CACNA1C: variants seen among roughly 807,000 people sequenced by gnomAD.
The protein encoded by CACNA1C is voltage-dependent L-type calcium channel subunit alpha-1C.
In CACNA1C, 30 loss-of-function variants were observed where a neutral mutation model predicts 229.0. The ratio of observed to expected loss-of-function variants is 0.13; its 90% CI spans 0.10 to 0.18. The LOEUF (loss-of-function observed/expected upper bound fraction) is 0.18, where lower values mean the gene tolerates loss of function less well. Ranked by LOEUF, CACNA1C falls within the 10% of genes least tolerant of loss-of-function variation. CACNA1C has a pLI of 1.00. For missense variants in CACNA1C, 1,658 were observed against 2,845.0 expected (o/e 0.58, Z 9.49); for synonymous variants, 1,114 against 1,132.5 (o/e 0.98, Z 0.33).
intron 3 of CACNA1C, among the ~76,000 whole-genome samples, chr12:2,147,360 T>C (rs2094818956): frequency 6.6e-6 from 1 of 151,430 alleles, no homozygotes; most frequent in African/African-American, 2.4e-5. Context: ...TCCAGTGTGC[T>C]TCTGTATGAT....
Position 2,602,056 on chromosome 12 carries a change from C to T in CACNA1C, c.2960+96C>T, listed in dbSNP as rs1008909066. On this transcript the variant is annotated intron_variant, in intron 22 of 46. Transcript: ENST00000399655. This position sits in a 1 kb window ranked among gnomAD's most constrained non-coding sequence, Gnocchi z 4.4. ...CCTGGAGGGCCTGCCTGCAGGGCCACCGCAGTGTGATGAGAGTGGGGTGGG... is the reference window on the plus strand; with the variant it reads ...CCTGGAGGGCCTGCCTGCAGGGCCATCGCAGTGTGATGAGAGTGGGGTGGG... 2 of 796,522 alleles carry T rather than the reference C, an allele frequency of 2.5e-6. No individual in the cohort carries two copies. The highest frequency in any genetic ancestry group is 4.4e-6 in the Non-Finnish European group (2 of 455,450). 49.3% of individuals were successfully genotyped at this position (796,522 alleles called of 1,614,324 possible).
intron 13 of CACNA1C, among the ~76,000 whole-genome samples, chr12:2,572,581 TCC>T (rs1294518733): frequency 3.2e-4 from 6 of 18,830 alleles, no homozygotes; most frequent in Admixed American, 5.9e-4. Context: ...CCTTCTCCTC[TCC>T]TCCTCCTTCT....
intron 21 of CACNA1C, among the ~76,000 whole-genome samples, chr12:2,600,928 T>TA (rs949120145): frequency 7.2e-5 from 11 of 152,300 alleles, no homozygotes; most frequent in African/African-American, 2.2e-4. Flanking sequence ...ACTTGATGCT[T>TA]ACAACCCTGT....
chr12:2,614,984 A>C (rs2079727988), intron 29 of CACNA1C: 1 of 152,202 alleles, frequency 6.6e-6, no homozygotes, highest in African/African-American at 2.4e-5. Flanking sequence ...AAAAAAAAAA[A>C]AAATCACACA....
chr12:2,020,155 G>A (rs2046186372), intron 1 of CACNA1C: 1 of 152,142 alleles, frequency 6.6e-6, no homozygotes, highest in African/African-American at 2.4e-5. Context: ...AATGCTCTTT[G>A]GTGGACAGCA....
At chr12:2,230,798 C>A (rs1309037811) in intron 3 of CACNA1C, among the ~76,000 whole-genome samples, 1 of 152,182 alleles carries the variant, frequency 6.6e-6, no homozygotes, top group Non-Finnish European at 1.5e-5. Context: ...TGCACAAGGT[C>A]CTGTTCTGAG....
intron 5 of CACNA1C, among the ~76,000 whole-genome samples, chr12:2,480,694 C>G (rs2099672419): frequency 6.6e-6 from 1 of 152,212 alleles, no homozygotes; most frequent in South Asian, 2.1e-4. Flanking sequence ...CCCCCTAAAC[C>G]CAAACTTCTC....
chr12:2,302,310 G>A (rs934117959), intron 3 of CACNA1C, among the ~76,000 whole-genome samples: 13 of 151,830 alleles, frequency 8.6e-5, no homozygotes, highest in African/African-American at 3.1e-4. Flanking sequence ...AGGAACATAA[G>A]GTCATGCCAT....
At chr12:2,443,889 A>G (rs572080662) in intron 3 of CACNA1C, among the ~76,000 whole-genome samples, 1 of 152,270 alleles carries the variant, frequency 6.6e-6, no homozygotes, top group South Asian at 2.1e-4. Context: ...TTTTTAAAGT[A>G]ATTCTAGAAG....
At chr12:2,389,179 G>T (rs1200440216) in intron 3 of CACNA1C, among the ~76,000 whole-genome samples, 3 of 152,140 alleles carry the variant, frequency 2.0e-5, no homozygotes, top group Non-Finnish European at 4.4e-5. Flanking sequence ...AATAGAGGTG[G>T]TGAACAGAGT....
At chr12:2,406,114 G>A (rs2098734639) in intron 3 of CACNA1C, among the ~76,000 whole-genome samples, 1 of 152,164 alleles carries the variant, frequency 6.6e-6, no homozygotes, top group Non-Finnish European at 1.5e-5. Context: ...TTTCTGATGA[G>A]AAATATGCTG....
At chr12:2,113,416 T>A (rs2082537612) in intron 1 of CACNA1C, among the ~76,000 whole-genome samples, 1 of 152,008 alleles carries the variant, frequency 6.6e-6, no homozygotes, top group Admixed American at 6.6e-5. Context: ...GGGAGGTGGC[T>A]GGGAGAGGCG....
intron 3 of CACNA1C, among the ~76,000 whole-genome samples, chr12:2,192,627 A>G (rs950717522): frequency 6.6e-6 from 1 of 152,232 alleles, no homozygotes; most frequent in African/African-American, 2.4e-5. Context: ...CTTATGTGAA[A>G]TGTGAATGCT....
intron 34 of CACNA1C, among the ~76,000 whole-genome samples, chr12:2,663,872 G>GCTGGGACTACAGGCGCCCACCACC (rs2095910227): frequency 1.3e-5 from 2 of 151,142 alleles, no homozygotes; most frequent in Non-Finnish European, 2.9e-5. Context: ...TTCCCAAGTA[G>GCTGGGACTACAGGCGCCCACCACC]CTGGGACTAC....
intron 29 of CACNA1C, among the ~76,000 whole-genome samples, chr12:2,628,771 G>A (rs765345527): frequency 2.6e-5 from 4 of 152,054 alleles, no homozygotes; most frequent in South Asian, 2.1e-4. Flanking sequence ...TTAGAGGGGC[G>A]TAGTACTTGG....
chr12:2,329,829 C>T (rs577611149), intron 3 of CACNA1C, among the ~76,000 whole-genome samples: 12 of 152,202 alleles, frequency 7.9e-5, no homozygotes, highest in Non-Finnish European at 1.8e-4. Flanking sequence ...AGTGAATAAA[C>T]TCCCCTAGGA....
intron 1 of CACNA1C, among the ~76,000 whole-genome samples, chr12:2,059,866 T>C (rs1253669097): frequency 6.6e-6 from 1 of 152,088 alleles, no homozygotes; most frequent in African/African-American, 2.4e-5. Context: ...TGAGAGAGCA[T>C]TGTTAGTGCT....
intron 3 of CACNA1C, among the ~76,000 whole-genome samples, chr12:2,445,375 G>A (rs978545467): frequency 7.2e-5 from 11 of 152,170 alleles, no homozygotes; most frequent in Admixed American, 5.2e-4. Flanking sequence ...TTTTCCTCAA[G>A]TCTCCAGCAC....
intron 3 of CACNA1C, among the ~76,000 whole-genome samples, chr12:2,226,910 A>G (rs1320892228): frequency 6.6e-6 from 1 of 152,220 alleles, no homozygotes; most frequent in African/African-American, 2.4e-5. Context: ...TCTGAAAGGG[A>G]TGCATCTGAA....
Sources: gnomAD v4.1 joint callset for allele counts (sites outside exome capture counted in the v4.1 genomes callset) on GRCh38, gnomAD v4.1.1 for gene constraint, Gnocchi (gnomAD v3.1) non-coding constraint, MANE v1.5 for transcripts, NCBI Gene and HGNC (gene_info 2026-07-23, HGNC 2026-07-21) for gene names.